The following PPP2R3A variants were observed in gnomAD, a reference collection of about 807,000 sequenced individuals.
The protein encoded by PPP2R3A is protein phosphatase 2 regulatory subunit B''alpha, also known as serine/threonine-protein phosphatase 2A regulatory subunit B'' subunit alpha.
Under a neutral mutation model 106.9 loss-of-function variants are expected in PPP2R3A, and 80 were observed. The ratio of observed to expected loss-of-function variants is 0.75; its 90% CI spans 0.62 to 0.90. PPP2R3A has a LOEUF of 0.90. Among genes scored for constraint, PPP2R3A ranks in the 40% least tolerant of loss-of-function variants. The pLI is 0.00. For synonymous variants in PPP2R3A, 483 were observed against 468.3 expected, an observed-to-expected ratio of 1.03 and a Z score of -0.41; for missense variants, 1,386 against 1,350.4, an observed-to-expected ratio of 1.03 and a Z score of -0.41.
chr3:136,140,344 A>G (rs947741785), intron 13 of PPP2R3A, among the ~76,000 whole-genome samples: 1 of 151,210 alleles, frequency 6.6e-6, no homozygotes, highest in Non-Finnish European at 1.5e-5. Flanking sequence ...AATTCCCAGC[A>G]CTTTGGGAGG....
At chr3:136,084,580 C>G (rs575501012) in intron 8 of PPP2R3A, among the ~76,000 whole-genome samples, 1 of 152,168 alleles carries the variant, frequency 6.6e-6, no homozygotes, top group Non-Finnish European at 1.5e-5. Context: ...CCACAATGCT[C>G]CAGGCCCCAG....
intron 2 of PPP2R3A, among the ~76,000 whole-genome samples, chr3:136,018,984 A>T (rs1934372012): frequency 6.6e-6 from 1 of 152,286 alleles, no homozygotes; most frequent in Non-Finnish European, 1.5e-5. Context: ...TTAACAACTG[A>T]TGTGTTCCAG....
At position 136,070,558 on chromosome 3, in the gene PPP2R3A, C is replaced by A; in HGVS notation, c.2544+6C>A. Reference sequence around the variant, plus strand: ...ACTCCCGCTACATCACCACGGTAGGCTGAGTCATCTTTTTTCTTAATATAA... The same window carrying A: ...ACTCCCGCTACATCACCACGGTAGGATGAGTCATCTTTTTTCTTAATATAA... On this transcript the variant is annotated splice_donor_region_variant and intron_variant, in intron 6 of 13. Coordinates refer to ENST00000264977, the MANE Select transcript of PPP2R3A (RefSeq NM_002718.5). 6.3e-7 allele frequency: 1 copy of A among 1,599,712 alleles called. No homozygotes were observed. Among genetic ancestry groups the A allele is most frequent in the Non-Finnish European group, 8.5e-7 (1 of 1,173,978 alleles).
intron 2 of PPP2R3A, among the ~76,000 whole-genome samples, chr3:136,015,891 C>A (rs1379199514): frequency 6.6e-6 from 1 of 151,782 alleles, no homozygotes; most frequent in African/African-American, 2.4e-5. Flanking sequence ...TTCTCTAGTT[C>A]CTTGCGGTAT....
chr3:136,094,095 A>T lies in PPP2R3A; in HGVS notation c.2927+3428A>T, dbSNP rs115907634. ...ACTGGATCTTGAAAACCTTATGTAA[A>T]GTAAAAGATGCCAGTCACAAGACAC... On this transcript the variant is annotated intron_variant, in intron 10 of 13. Transcript: ENST00000264977. Among the ~76,000 whole-genome samples the T allele has an allele frequency of 6.2e-3, 951 of 152,350 alleles. 10 individuals are homozygous for T. The highest frequency in any genetic ancestry group is 0.022 in the African/African-American group (922 of 41,584).
At chr3:136,088,760 T>G (rs1035210085) in intron 9 of PPP2R3A, among the ~76,000 whole-genome samples, 1 of 152,188 alleles carries the variant, frequency 6.6e-6, no homozygotes, top group African/African-American at 2.4e-5. Context: ...ATGTGTTACA[T>G]TTTGACGTTT....
intron 10 of PPP2R3A, among the ~76,000 whole-genome samples, chr3:136,100,048 C>T (rs1937319829): frequency 6.6e-6 from 1 of 152,020 alleles, no homozygotes; most frequent in African/African-American, 2.4e-5. Context: ...TGAGCTAGAT[C>T]TCAACCAAGG....
At chr3:136,110,132 AC>A (rs1937571943) in intron 13 of PPP2R3A, among the ~76,000 whole-genome samples, 1 of 151,818 alleles carries the variant, frequency 6.6e-6, no homozygotes, top group Admixed American at 6.6e-5. Context: ...CTCATTAAAA[AC>A]CCCAACAACC....
chr3:135,995,690 T>C (rs934544102), intron 1 of PPP2R3A, among the ~76,000 whole-genome samples: 1 of 152,032 alleles, frequency 6.6e-6, no homozygotes, highest in East Asian at 1.9e-4. Flanking sequence ...CCAGGTTGAT[T>C]GTGAACTCCT....
chr3:136,066,513 T>C (rs941800751), intron 5 of PPP2R3A, among the ~76,000 whole-genome samples: 23 of 152,192 alleles, frequency 1.5e-4, no homozygotes, highest in Non-Finnish European at 2.1e-4. Context: ...AGATACTAGG[T>C]AATTTATAAA....
Position 136,002,732 on chromosome 3 carries a change from A to G in PPP2R3A, c.1234A>G (p.Met412Val). ...AGAAAATGTTTCTTCTGACGACTTAATGGAAACTCTTTATATTGAAGAAGA... is the reference window on the plus strand; with the variant it reads ...AGAAAATGTTTCTTCTGACGACTTAGTGGAAACTCTTTATATTGAAGAAGA... ...PLENVSSDDLMETLYIEEESD... is the reference protein window; with the variant it reads ...PLENVSSDDLVETLYIEEESD... Residue 412 changes from methionine to valine, a missense_variant, in exon 2 of 14, where the codon ATG (methionine) becomes GTG (valine). Coordinates refer to ENST00000264977, the MANE Select transcript of PPP2R3A (RefSeq NM_002718.5). The G allele has an allele frequency of 1.2e-6, 2 of 1,612,956 alleles. No homozygotes were observed. Among genetic ancestry groups the G allele is most frequent in the Middle Eastern group, 1.7e-4 (1 of 6,054 alleles).
chr3:136,053,556 A>G (rs1468308033), intron 5 of PPP2R3A, among the ~76,000 whole-genome samples: 1 of 152,170 alleles, frequency 6.6e-6, no homozygotes, highest in Non-Finnish European at 1.5e-5. Context: ...GGTATACACA[A>G]CAATCACTAG....
In PPP2R3A at chr3:136,128,866, A is replaced by G. The variant is rs551215272; in HGVS notation, c.3330-16177A>G. On this transcript the variant is annotated intron_variant, in intron 13 of 13. Coordinates refer to ENST00000264977, the MANE Select transcript of PPP2R3A (RefSeq NM_002718.5). Reference sequence around the variant, plus strand: ...ACTAGAACTCAGGATTAAGAAACTCACTCAAAACCGCTCAACTACATGGAA... The same window carrying G: ...ACTAGAACTCAGGATTAAGAAACTCGCTCAAAACCGCTCAACTACATGGAA... Among the ~76,000 whole-genome samples the G allele has an allele frequency of 1.3e-3, 195 of 152,250 alleles. 1 individual carries two copies. The highest frequency in any genetic ancestry group is 4.4e-3 in the African/African-American group (181 of 41,536).
Position 136,102,202 on chromosome 3 carries a change from C to T in PPP2R3A, c.3103+20C>T, listed in dbSNP as rs1449077831. Reference sequence around the variant, plus strand: ...TTGATGGTGAGACCAAGCAATGGGACAGATGCACTGTTCACCTATGTATCA... The same window carrying T: ...TTGATGGTGAGACCAAGCAATGGGATAGATGCACTGTTCACCTATGTATCA... On this transcript the variant is annotated intron_variant, in intron 11 of 13. Coordinates refer to ENST00000264977, the MANE Select transcript of PPP2R3A (RefSeq NM_002718.5). The T allele has an allele frequency of 1.2e-6, 2 of 1,611,224 alleles. No individual in the cohort carries two copies. Among genetic ancestry groups the T allele is most frequent in the Non-Finnish European group, 1.7e-6 (2 of 1,179,118 alleles).
At chr3:135,995,019 A>C (rs1404515410) in intron 1 of PPP2R3A, among the ~76,000 whole-genome samples, 2 of 152,164 alleles carry the variant, frequency 1.3e-5, no homozygotes, top group African/African-American at 4.8e-5. Flanking sequence ...AGTAATCGTA[A>C]TCTGCTTAAA....
At chr3:136,122,166 G>T (rs1369788295) in intron 13 of PPP2R3A, among the ~76,000 whole-genome samples, 2 of 152,072 alleles carry the variant, frequency 1.3e-5, no homozygotes, top group Non-Finnish European at 2.9e-5. Flanking sequence ...CATGAAAAAG[G>T]ATGACATAGC....
intron 1 of PPP2R3A, among the ~76,000 whole-genome samples, chr3:135,972,246 C>A (rs377727883): frequency 6.6e-6 from 1 of 152,184 alleles, no homozygotes; most frequent in Non-Finnish European, 1.5e-5. Flanking sequence ...TTGTGCCTGG[C>A]TTCTTTCATT....
At chr3:136,055,365 C>G in intron 5 of PPP2R3A, 2 of 949,842 alleles carry the variant, frequency 2.1e-6, no homozygotes, top group Non-Finnish European at 3.5e-6. Flanking sequence ...GTTGCTACCT[C>G]AGGTCCACAG....
intron 5 of PPP2R3A, among the ~76,000 whole-genome samples, chr3:136,053,119 C>T (rs777646041): frequency 2.6e-5 from 4 of 152,114 alleles, no homozygotes; most frequent in Non-Finnish European, 4.4e-5. Flanking sequence ...ACAGACACTG[C>T]GGTCTACTTG....
Sources: gnomAD v4.1 joint callset for allele counts (sites outside exome capture counted in the v4.1 genomes callset) on GRCh38, gnomAD v4.1.1 for gene constraint, MANE v1.5 for transcripts, NCBI Gene and HGNC (gene_info 2026-07-23, HGNC 2026-07-21) for gene names.